Variants in CNTN4 observed in about 807,000 individuals in gnomAD.
The protein encoded by CNTN4 is contactin-4.
CNTN4 carries 77 observed loss-of-function variants against 122.5 expected under a neutral mutation model. The ratio of observed to expected loss-of-function variants is 0.63; its 90% CI spans 0.52 to 0.76. CNTN4 has a LOEUF of 0.76. Among genes scored for constraint, CNTN4 ranks in the 30% least tolerant of loss-of-function variants. The pLI, the probability that CNTN4 is intolerant of heterozygous loss-of-function variation, is 0.00. For synonymous variants in CNTN4, 512 were observed against 447.0 expected (o/e 1.15, Z -1.83); for missense variants, 1,256 against 1,259.1 (o/e 1.00, Z 0.04).
At chr3:2,339,572 A>G (rs191339158) in intron 3 of CNTN4, among the ~76,000 whole-genome samples, 59 of 152,326 alleles carry the variant, frequency 3.9e-4, no homozygotes, top group Admixed American at 3.5e-3. Flanking sequence ...AAATGGTTTC[A>G]TAGGAGAGGA....
At chr3:2,163,172 A>C (rs963835135) in intron 2 of CNTN4, among the ~76,000 whole-genome samples, 2 of 152,248 alleles carry the variant, frequency 1.3e-5, no homozygotes, top group African/African-American at 4.8e-5. Flanking sequence ...CCAGTGGAAC[A>C]GAATAGGGAA....
intron 7 of CNTN4, among the ~76,000 whole-genome samples, chr3:2,846,287 T>C (rs1432304160): frequency 6.6e-6 from 1 of 152,180 alleles, no homozygotes; most frequent in African/African-American, 2.4e-5. Context: ...TCTCATGCTG[T>C]TCTCATGATA....
At chr3:2,400,404 A>AATATATATATATATATATATAC in intron 3 of CNTN4, among the ~76,000 whole-genome samples, 1 of 91,434 alleles carries the variant, frequency 1.1e-5, no homozygotes, top group Non-Finnish European at 2.4e-5. Context: ...TATGTGTGTG[A>AATATATATATATATATATATAC]ATATATATAT....
intron 13 of CNTN4, among the ~76,000 whole-genome samples, chr3:2,980,619 G>A (rs1031310944): frequency 2.6e-5 from 4 of 152,160 alleles, no homozygotes; most frequent in African/African-American, 9.7e-5. Flanking sequence ...AATACCCGAC[G>A]TTTGACATCT....
intron 8 of CNTN4, among the ~76,000 whole-genome samples, chr3:2,873,170 A>C (rs2093805693): frequency 6.6e-6 from 1 of 152,138 alleles, no homozygotes. Flanking sequence ...AATCATTACC[A>C]TTTCTTTGGT....
At chr3:2,352,131 C>T (rs2044650538) in intron 3 of CNTN4, among the ~76,000 whole-genome samples, 1 of 152,178 alleles carries the variant, frequency 6.6e-6, no homozygotes, top group African/African-American at 2.4e-5. Context: ...TTGCTCATGC[C>T]TGTAATCCCA....
At chr3:2,780,269 A>T (rs1428088499) in intron 6 of CNTN4, among the ~76,000 whole-genome samples, 1 of 152,226 alleles carries the variant, frequency 6.6e-6, no homozygotes, top group Admixed American at 6.5e-5. Flanking sequence ...CTTTTCTGGT[A>T]CGAGACATTT....
At chr3:2,436,336 C>A (rs1473577114) in intron 3 of CNTN4, among the ~76,000 whole-genome samples, 1 of 152,010 alleles carries the variant, frequency 6.6e-6, no homozygotes, top group Non-Finnish European at 1.5e-5. Context: ...GCATCTCTCA[C>A]AAGCATAAGT....
At chr3:2,753,077 A>T (rs1415053222) in intron 6 of CNTN4, among the ~76,000 whole-genome samples, 1 of 152,182 alleles carries the variant, frequency 6.6e-6, no homozygotes, top group East Asian at 1.9e-4. Flanking sequence ...TGCTGCAATA[A>T]ATATGAAAGT....
At position 2,708,047 on chromosome 3, in the gene CNTN4, G is replaced by A. The variant is rs142568284; in HGVS notation, c.56-28168G>A. On this transcript the variant is annotated intron_variant, in intron 4 of 24. Transcript: ENST00000418658. Reference sequence around the variant, plus strand: ...ATAATACCAATTCATTCTATTATTGGTTCTTTTGGATGCTGAGAAAACAAA... The same window carrying A: ...ATAATACCAATTCATTCTATTATTGATTCTTTTGGATGCTGAGAAAACAAA... 2.6e-5 allele frequency among the ~76,000 whole-genome samples: 4 copies of A among 152,090 alleles called. No individual in the cohort carries two copies. In the East Asian group the frequency reaches 7.7e-4, roughly 29 times the overall value.
At chr3:2,388,675 T>A (rs1011081487) in intron 3 of CNTN4, among the ~76,000 whole-genome samples, 1 of 151,998 alleles carries the variant, frequency 6.6e-6, no homozygotes, top group Admixed American at 6.6e-5. Context: ...CAAAACTCTG[T>A]CTCTGCTAAA....
At chr3:2,846,098 C>G (rs1450756465) in intron 7 of CNTN4, among the ~76,000 whole-genome samples, 2 of 152,270 alleles carry the variant, frequency 1.3e-5, no homozygotes, top group South Asian at 2.1e-4. Context: ...GGAGATTTTA[C>G]AATGCTAATA....
intron 3 of CNTN4, among the ~76,000 whole-genome samples, chr3:2,401,850 G>T (rs990172863): frequency 2.0e-5 from 3 of 152,170 alleles, no homozygotes; most frequent in Admixed American, 1.3e-4. Context: ...AACTTTAACC[G>T]AAAGCTCAAG....
At chr3:2,819,202 G>T (rs996791066) in intron 6 of CNTN4, among the ~76,000 whole-genome samples, 1 of 152,196 alleles carries the variant, frequency 6.6e-6, no homozygotes, top group Non-Finnish European at 1.5e-5. Flanking sequence ...CACTTGAAAT[G>T]TGACTAGTGT....
At chr3:2,858,618 G>C (rs184494218) in intron 7 of CNTN4, among the ~76,000 whole-genome samples, 2 of 151,998 alleles carry the variant, frequency 1.3e-5, no homozygotes, top group African/African-American at 4.8e-5. Flanking sequence ...TCCCACTTGG[G>C]AGGCCGAGAT....
At position 2,327,320 on chromosome 3, in the gene CNTN4, G is replaced by T. The variant is rs374692626; in HGVS notation, c.-144-11858G>T. Among the ~76,000 whole-genome samples, 14 of 152,294 alleles carry T rather than the reference G, an allele frequency of 9.2e-5. No individual in the cohort carries two copies. In the East Asian group the frequency reaches 2.7e-3, roughly 29 times the overall value. On this transcript the variant is annotated intron_variant, in intron 2 of 24. Transcript: ENST00000418658. ...AGAAATCAATCCTGGAAGTTATTGTGTGTGTAGCTCAATTCAGTAAAGTGG... is the reference window on the plus strand; with the variant it reads ...AGAAATCAATCCTGGAAGTTATTGTTTGTGTAGCTCAATTCAGTAAAGTGG...
At chr3:2,598,929 G>A (rs2080897617) in intron 4 of CNTN4, among the ~76,000 whole-genome samples, 1 of 152,112 alleles carries the variant, frequency 6.6e-6, no homozygotes, top group Non-Finnish European at 1.5e-5. Context: ...AATGGGAGAA[G>A]ATTGTTATTT....
chr3:2,295,631 C>T (rs1411899014), intron 2 of CNTN4, among the ~76,000 whole-genome samples: 1 of 152,052 alleles, frequency 6.6e-6, no homozygotes, highest in Non-Finnish European at 1.5e-5. Flanking sequence ...TATAGGTTGC[C>T]TGTTCACTCT....
intron 4 of CNTN4, among the ~76,000 whole-genome samples, chr3:2,615,787 A>G (rs939781675): frequency 4.6e-5 from 7 of 152,140 alleles, no homozygotes; most frequent in South Asian, 2.1e-4. Context: ...GAGGGAGGCT[A>G]GATATACCTA....
Sources: allele counts gnomAD v4.1 joint callset (sites outside exome capture counted in the v4.1 genomes callset), GRCh38; gene constraint gnomAD v4.1.1; transcripts MANE v1.5; gene names NCBI Gene and HGNC (gene_info 2026-07-23, HGNC 2026-07-21).